Variants in ASTN2 observed in about 807,000 individuals in gnomAD.
ASTN2 encodes the protein astrotactin-2.
Under a neutral mutation model 139.8 loss-of-function variants are expected in ASTN2, and 54 were observed. The ratio of observed to expected loss-of-function variants is 0.39; its 90% confidence interval spans 0.31 to 0.48. The LOEUF is 0.48. ASTN2 is among the 20% of genes least tolerant of loss of function. The pLI is 0.95. For missense variants in ASTN2, 1,565 were observed against 1,725.1 expected (o/e 0.91, Z 1.64); for synonymous variants, 756 against 719.5 (o/e 1.05, Z -0.81).
At chr9:117,197,155 C>A (rs1156267378) in intron 3 of ASTN2, 1 of 152,230 alleles carries the variant, frequency 6.6e-6, no homozygotes, top group Non-Finnish European at 1.5e-5. Context: ...TCTGTCACCC[C>A]ATTGATCACC....
At chr9:116,831,633 A>T (rs1831817529) in intron 11 of ASTN2, among the ~76,000 whole-genome samples, 1 of 152,202 alleles carries the variant, frequency 6.6e-6, no homozygotes, top group African/African-American at 2.4e-5. Context: ...TAAAAGTATA[A>T]TATGATAAAA....
intron 4 of ASTN2, among the ~76,000 whole-genome samples, chr9:117,116,468 T>C (rs149082997): frequency 6.6e-6 from 1 of 152,226 alleles, no homozygotes; most frequent in East Asian, 1.9e-4. Context: ...CACACAAGAA[T>C]TAAACAAACA....
chr9:116,442,228 T>C (rs1432157455), intron 21 of ASTN2, among the ~76,000 whole-genome samples: 2 of 152,192 alleles, frequency 1.3e-5, no homozygotes, highest in African/African-American at 2.4e-5. Flanking sequence ...AGGAGGCAAG[T>C]CTTTCCACTG....
intron 2 of ASTN2, among the ~76,000 whole-genome samples, chr9:117,234,375 A>C (rs1312468914): frequency 1.3e-5 from 2 of 152,140 alleles, no homozygotes; most frequent in Non-Finnish European, 2.9e-5. Flanking sequence ...ACGCCTCTCC[A>C]GCGCCAGCTA....
rs116400222 is a variant in ASTN2 at position 117,128,317 on chromosome 9, T to C, written c.1168+13009A>G. Among the ~76,000 whole-genome samples the C allele has an allele frequency of 9.1e-3, 1,240 of 136,700 alleles. 18 individuals are homozygous for C. The highest frequency in any genetic ancestry group is 0.034 in the African/African-American group (1,189 of 34,928). 89.7% of individuals were successfully genotyped at this position (136,700 alleles called of 152,430 possible). A position where few individuals can be genotyped will look rare whatever the true frequency, so the allele number is the denominator to read the frequency against. ...TGAACCCGGGAGGTGGAGGTTGCAG[T>C]GGGCCAGATCCCATCACTGCACTCC... On this transcript the variant is annotated intron_variant, in intron 4 of 22. Transcript: ENST00000313400.
chr9:116,526,829 T>A (rs1045972801), intron 19 of ASTN2, among the ~76,000 whole-genome samples: 1 of 152,094 alleles, frequency 6.6e-6, no homozygotes, highest in African/African-American at 2.4e-5. Context: ...AAGCAAGTGA[T>A]TAGAGAATGT....
chr9:116,452,037 C>T lies in ASTN2; in HGVS notation c.3498-9484G>A, dbSNP rs550883402. 1.0e-3 allele frequency among the ~76,000 whole-genome samples: 158 copies of T among 152,238 alleles called. 1 individual carries two copies. Among genetic ancestry groups the T allele is most frequent in the African/African-American group, 3.6e-3 (148 of 41,532 alleles). ...TCAGGGTGTGGACTAAATGATAACACATAATTGTACTAGCTATAGTACTTA... is the reference window on the plus strand; with the variant it reads ...TCAGGGTGTGGACTAAATGATAACATATAATTGTACTAGCTATAGTACTTA... On this transcript the variant is annotated intron_variant, in intron 20 of 22. Coordinates refer to ENST00000313400, the MANE Select transcript of ASTN2 (RefSeq NM_001365068.1).
intron 2 of ASTN2, among the ~76,000 whole-genome samples, chr9:117,289,817 A>G (rs1834542611): frequency 6.6e-6 from 1 of 152,160 alleles, no homozygotes; most frequent in Non-Finnish European, 1.5e-5. Flanking sequence ...AAAGTCTATC[A>G]CACTCATTCC....
intron 1 of ASTN2, among the ~76,000 whole-genome samples, chr9:117,329,638 A>T (rs1828638388): frequency 6.6e-6 from 1 of 152,168 alleles, no homozygotes; most frequent in African/African-American, 2.4e-5. Flanking sequence ...AGTGGAGGTG[A>T]GAGGAGAAAC....
chr9:116,648,648 C>G (rs1333371628), intron 17 of ASTN2, among the ~76,000 whole-genome samples: 1 of 152,164 alleles, frequency 6.6e-6, no homozygotes, highest in Non-Finnish European at 1.5e-5. Context: ...TTGAGCCATG[C>G]ATGGGTAGGC....
intron 10 of ASTN2, among the ~76,000 whole-genome samples, chr9:116,884,106 G>A (rs1334032295): frequency 6.6e-6 from 1 of 152,142 alleles, no homozygotes; most frequent in Non-Finnish European, 1.5e-5. Flanking sequence ...AGCGGAGTGT[G>A]CCTAGAGTTC....
chr9:117,343,698 C>T (rs190067332), intron 1 of ASTN2, among the ~76,000 whole-genome samples: 20 of 152,238 alleles, frequency 1.3e-4, no homozygotes, highest in African/African-American at 3.6e-4. Context: ...CATTCTAACT[C>T]CACCCACATA....
chr9:117,065,344 G>A (rs1010232515), intron 5 of ASTN2, among the ~76,000 whole-genome samples: 4 of 152,186 alleles, frequency 2.6e-5, no homozygotes, highest in African/African-American at 9.7e-5. Flanking sequence ...CCCTCCTGGA[G>A]TGCCTTTCCT....
intron 19 of ASTN2, among the ~76,000 whole-genome samples, chr9:116,533,799 C>T (rs1035597150): frequency 2.6e-5 from 4 of 152,134 alleles, no homozygotes; most frequent in Non-Finnish European, 4.4e-5. Context: ...CGATGTTCAT[C>T]AGGGATATTG....
intron 19 of ASTN2, among the ~76,000 whole-genome samples, chr9:116,523,227 A>G (rs990822827): frequency 2.0e-5 from 3 of 151,646 alleles, no homozygotes; most frequent in East Asian, 3.9e-4. Flanking sequence ...AACGACAGTT[A>G]TAAGTGACAG....
At chr9:116,841,149 C>T (rs981325488) in intron 11 of ASTN2, among the ~76,000 whole-genome samples, 1 of 152,354 alleles carries the variant, frequency 6.6e-6, no homozygotes, top group East Asian at 1.9e-4. Context: ...CCGAGGCTGT[C>T]GGATCACTCG....
At chr9:116,596,163 A>T (rs2131742295) in intron 19 of ASTN2, among the ~76,000 whole-genome samples, 1 of 152,376 alleles carries the variant, frequency 6.6e-6, no homozygotes, top group South Asian at 2.1e-4. Context: ...TATGCTGAGT[A>T]TAATAAGCCA....
In ASTN2 at chr9:116,475,143, G is replaced by T. The variant is rs1346673007; in HGVS notation, c.3497+12216C>A. On this transcript the variant is annotated intron_variant, in intron 20 of 22. Transcript: ENST00000313400. ...TGGTTTATTTGGCCAATTTTAAATT[G>T]GTTGCCAGCATGTAATAATTAGGAG... 2.0e-5 allele frequency among the ~76,000 whole-genome samples: 3 copies of T among 152,038 alleles called. No individual in the cohort carries two copies. In the East Asian group the frequency reaches 5.8e-4, roughly 29 times the overall value.
rs140015812 is a variant in ASTN2, at chr9:116,573,094, G to A, written c.3355+45230C>T. Among the ~76,000 whole-genome samples the A allele has an allele frequency of 1.6e-3, 251 of 152,126 alleles. 1 individual carries two copies. Among genetic ancestry groups the A allele is most frequent in the Middle Eastern group, 3.4e-3 (1 of 294 alleles). ...TCCAACAGCCTGCATGGCTAATATC[G>A]TGGGGTTTGAGAATATACACATTTA... On this transcript the variant is annotated intron_variant, in intron 19 of 22. Coordinates refer to ENST00000313400, the MANE Select transcript of ASTN2 (RefSeq NM_001365068.1).
Sources: allele counts gnomAD v4.1 joint callset (sites outside exome capture counted in the v4.1 genomes callset), GRCh38; gene constraint gnomAD v4.1.1; transcripts MANE v1.5; gene names NCBI Gene and HGNC (gene_info 2026-07-23, HGNC 2026-07-21).